The following C15orf61 variants were observed in gnomAD, a reference collection of about 807,000 sequenced individuals.
The protein encoded by C15orf61 is chromosome 15 open reading frame 61, also known as uncharacterized protein C15orf61.
In C15orf61, 12 loss-of-function variants were observed where a neutral mutation model predicts 13.7. The observed-to-expected ratio is 0.88, with a 90% CI of 0.56 to 1.42. The LOEUF (loss-of-function observed/expected upper bound fraction) is 1.42, where lower values mean the gene tolerates loss of function less well. Ranked by LOEUF, C15orf61 falls within the 40% of genes most tolerant of loss-of-function variation. C15orf61 has a pLI of 0.00. For missense variants in C15orf61, 248 were observed against 213.2 expected (o/e 1.16, Z -1.02); for synonymous variants, 92 against 94.1 (o/e 0.98, Z 0.13).
rs2440797 is a variant in C15orf61, at chr15:67,525,079, G to A, written c.347-1339G>A. Among the ~76,000 whole-genome samples the A allele has an allele frequency of 7.5e-3, 1,143 of 152,202 alleles. 12 individuals carry two copies. Among genetic ancestry groups the A allele is most frequent in the African/African-American group, 0.024 (1,008 of 41,546 alleles). ...TCGAACTCCCAACCTCAGGTGATCC[G>A]CCTGCTTCGGCCTCCCAAAGTGCTG... On this transcript the variant is annotated intron_variant, in intron 1 of 1. Transcript: ENST00000342683. The surrounding 1 kb of genome is among the most constrained non-coding windows in gnomAD (Gnocchi z 4.9).
rs916902919 is a variant in C15orf61, at chr15:67,525,682, A to C, written c.347-736A>C. 6.6e-6 allele frequency among the ~76,000 whole-genome samples: 1 copy of C among 152,212 alleles called. No individual in the cohort carries two copies. Among genetic ancestry groups the C allele is most frequent in the African/African-American group, 2.4e-5 (1 of 41,456 alleles). On this transcript the variant is annotated intron_variant, in intron 1 of 1. Coordinates refer to ENST00000342683, the MANE Select transcript of C15orf61 (RefSeq NM_001143936.2). The surrounding 1 kb of genome is among the most constrained non-coding windows in gnomAD (Gnocchi z 4.9). ...GACCGAGCTTCTTTTAAGTTGTACA[A>C]AAATTACTTCAACCATTAGTGTTAC...
Position 67,527,204 on chromosome 15 carries a change from TATTAAA to T in C15orf61, c.*661_*666del, listed in dbSNP as rs1262545935. 6.6e-6 allele frequency: 1 copy of T among 152,180 alleles called. No homozygotes were observed. Among genetic ancestry groups the T allele is most frequent in the African/African-American group, 2.4e-5 (1 of 41,460 alleles). The allele number at this position is 152,180 out of a possible 1,614,324, so 9.4% of individuals were successfully genotyped here. A position where few individuals can be genotyped will look rare whatever the true frequency, so the allele number is the denominator to read the frequency against. On this transcript the variant is annotated 3_prime_UTR_variant, in exon 2 of 2. Transcript: ENST00000342683. ...TAGCAAGGTGAATGAAACTCAGACT[TATTAAA>T]AGTTAAAACAGCTTTCCTATAAAGC... is the stretch of plus-strand genomic sequence containing the variant.
chr15:67,526,560 G>T lies in C15orf61; in HGVS notation c.*15G>T. ...CCATGTATTGAAAGTGTGCGTCAAAGAACATAAATATCAGTGGATTTTCTC... is the reference window on the plus strand; with the variant it reads ...CCATGTATTGAAAGTGTGCGTCAAATAACATAAATATCAGTGGATTTTCTC... On this transcript the variant is annotated 3_prime_UTR_variant, in exon 2 of 2. Transcript: ENST00000342683. The T allele has an allele frequency of 6.7e-7, 1 of 1,498,704 alleles. No individual in the cohort carries two copies. 92.8% of individuals were successfully genotyped at this position (1,498,704 alleles called of 1,614,324 possible). A position where few individuals can be genotyped will look rare whatever the true frequency, so the allele number is the denominator to read the frequency against.
chr15:67,527,265 A>G lies in C15orf61; in HGVS notation c.*720A>G, dbSNP rs2084204004. ...AGAACAATTAAGATCTTCTAGAAAG[A>G]TGCAGAAAAATAAATTTGGTAACTG... is the stretch of plus-strand genomic sequence containing the variant. On this transcript the variant is annotated 3_prime_UTR_variant, in exon 2 of 2. Transcript: ENST00000342683. The G allele has an allele frequency of 6.6e-6, 1 of 152,226 alleles. No homozygotes were observed. The highest frequency in any genetic ancestry group is 1.5e-5 in the Non-Finnish European group (1 of 68,012). 9.4% of individuals were successfully genotyped at this position (152,226 alleles called of 1,614,324 possible). A position where few individuals can be genotyped will look rare whatever the true frequency, so the allele number is the denominator to read the frequency against.
chr15:67,523,752 T>C (rs1248116282), intron 1 of C15orf61, among the ~76,000 whole-genome samples: 6 of 152,226 alleles, frequency 3.9e-5, no homozygotes, highest in Non-Finnish European at 7.4e-5. Context: ...TAGAATCTTA[T>C]AGACTTCAAA....
intron 1 of C15orf61, among the ~76,000 whole-genome samples, chr15:67,524,148 T>C (rs1025804294): frequency 1.3e-5 from 2 of 152,224 alleles, no homozygotes; most frequent in African/African-American, 4.8e-5. Context: ...TAAATTTATA[T>C]ACTTAGCCTT....
intron 1 of C15orf61, 37 bp downstream of exon 1, chr15:67,521,631 G>T (rs1161878441): frequency 6.9e-7 from 1 of 1,445,124 alleles, no homozygotes; most frequent in Non-Finnish European, 9.3e-7. Context: ...GGTGAAGCCC[G>T]CCCGGCCGGG....
chr15:67,526,349 GT>G (rs2084198561), intron 1 of C15orf61, 68 bp from the exon 2 acceptor site: 1 of 988,198 alleles, frequency 1.0e-6, no homozygotes, highest in Middle Eastern at 2.2e-4. Context: ...GCTGAAGAGT[GT>G]TATACGTGAT....
In C15orf61 at chr15:67,529,613, G is replaced by A. The variant is rs2084217570; in HGVS notation, c.*3068G>A. On this transcript the variant is annotated 3_prime_UTR_variant, in exon 2 of 2. Coordinates refer to ENST00000342683, the MANE Select transcript of C15orf61 (RefSeq NM_001143936.2). The surrounding 1 kb of genome is among the most constrained non-coding windows in gnomAD (Gnocchi z 4.4). Reference sequence around the variant, plus strand: ...TAATTTTGTATTTTCTGTACAGACGGTTTCACCATGTTGGTCAGGCTGGTC... The same window carrying A: ...TAATTTTGTATTTTCTGTACAGACGATTTCACCATGTTGGTCAGGCTGGTC... 1 of 152,188 alleles carries A rather than the reference G, an allele frequency of 6.6e-6. No individual in the cohort carries two copies. Among genetic ancestry groups the A allele is most frequent in the Non-Finnish European group, 1.5e-5 (1 of 68,094 alleles). 9.4% of individuals were successfully genotyped at this position (152,188 alleles called of 1,614,324 possible). A position where few individuals can be genotyped will look rare whatever the true frequency, so the allele number is the denominator to read the frequency against.
intron 1 of C15orf61, chr15:67,521,908 C>T (rs2084167807): frequency 1.5e-6 from 1 of 666,970 alleles, no homozygotes; most frequent in African/African-American, 1.8e-5. Flanking sequence ...CAGGGGGCGT[C>T]AGGAAACGCC....
In C15orf61 at chr15:67,529,606, A is replaced by G. The variant is rs2084217502; in HGVS notation, c.*3061A>G. On this transcript the variant is annotated 3_prime_UTR_variant, in exon 2 of 2. Transcript: ENST00000342683. The surrounding 1 kb of genome is among the most constrained non-coding windows in gnomAD (Gnocchi z 4.4). ...CGCCGGCTAATTTTGTATTTTCTGT[A>G]CAGACGGTTTCACCATGTTGGTCAG... is the stretch of plus-strand genomic sequence containing the variant. The G allele has an allele frequency of 6.6e-6, 1 of 152,256 alleles. No individual in the cohort carries two copies. The highest frequency in any genetic ancestry group is 1.5e-5 in the Non-Finnish European group (1 of 68,110). 9.4% of individuals were successfully genotyped at this position (152,256 alleles called of 1,614,324 possible).
In C15orf61 at chr15:67,527,332, T is replaced by A. The variant is rs2084204337; in HGVS notation, c.*787T>A. 1 of 152,194 alleles carries A rather than the reference T, an allele frequency of 6.6e-6. No individual in the cohort carries two copies. The highest frequency in any genetic ancestry group is 6.5e-5 in the Admixed American group (1 of 15,278). The allele number at this position is 152,194 out of a possible 1,614,324, so 9.4% of individuals were successfully genotyped here. The stretch of plus-strand genomic sequence containing the variant: ...ACTGAAATGGTACATATCCATAGAC[T>A]TATTGGCAATAAGGAGTGGGCTGAA... On this transcript the variant is annotated 3_prime_UTR_variant, in exon 2 of 2. Transcript: ENST00000342683.
intron 1 of C15orf61, chr15:67,522,238 G>C: frequency 1.4e-6 from 1 of 700,836 alleles, no homozygotes; most frequent in South Asian, 1.5e-5. Flanking sequence ...TGACAGAAGA[G>C]GGAGGTACGA....
rs1403418798 is a variant in C15orf61, at chr15:67,527,830, T to A, written c.*1285T>A. 1.3e-5 allele frequency: 2 copies of A among 152,224 alleles called. No individual in the cohort carries two copies. 9.4% of individuals were successfully genotyped at this position (152,224 alleles called of 1,614,324 possible). On this transcript the variant is annotated 3_prime_UTR_variant, in exon 2 of 2. Transcript: ENST00000342683. ...TTCAAATATATGTGGTGTTCACTTG[T>A]CTAAAAGCAATTCTAAGTAACACTT...
chr15:67,526,356 G>A (rs1008495670), intron 1 of C15orf61, 62 bp from the exon 2 acceptor site: 5 of 1,079,252 alleles, frequency 4.6e-6, no homozygotes, highest in African/African-American at 1.6e-5. Context: ...AGTGTTATAC[G>A]TGATCAGTAA....
chr15:67,526,481 A>C lies in C15orf61; in HGVS notation c.410A>C (p.His137Pro), dbSNP rs770637251. The change falls in exon 2 of 2, where the codon CAT (histidine) becomes CCT (proline). Residue 137 changes from histidine to proline, a missense_variant. Physicochemically the swap from His to Pro is moderately conservative, Grantham distance 77. Coordinates refer to ENST00000342683, the MANE Select transcript of C15orf61 (RefSeq NM_001143936.2). ...WLFARVTETVHTSYGPITVYF... is the reference protein window; with the variant it reads ...WLFARVTETVPTSYGPITVYF... The stretch of plus-strand genomic sequence containing the variant: ...TTTGCCAGAGTCACAGAGACTGTGC[A>C]TACCAGTTATGGACCCATAACAGTT... 6.5e-7 allele frequency: 1 copy of C among 1,541,154 alleles called. No individual in the cohort carries two copies. The highest frequency in any genetic ancestry group is 8.8e-7 in the Non-Finnish European group (1 of 1,137,608).
rs1481451901 is a variant in C15orf61, at chr15:67,521,528, A to G, written c.280A>G (p.Lys94Glu). ...CFPFIKYHCSKAPWQDLARQN... is the reference protein window; with the variant it reads ...CFPFIKYHCSEAPWQDLARQN... ...CCCCTTCATCAAGTACCACTGCTCC[A>G]AGGCTCCCTGGCAGGACCTGGCCCG... Residue 94 changes from lysine to glutamate, a missense_variant, in exon 1 of 2, where the codon AAG becomes GAG. Transcript: ENST00000342683. 6.5e-7 allele frequency: 1 copy of G among 1,547,868 alleles called. No individual in the cohort carries two copies. Among genetic ancestry groups the G allele is most frequent in the East Asian group, 2.4e-5 (1 of 40,882 alleles).
chr15:67,521,786 CA>C, intron 1 of C15orf61, 192 bp downstream of exon 1: 1 of 661,332 alleles, frequency 1.5e-6, no homozygotes, highest in Non-Finnish European at 2.5e-6. Flanking sequence ...GAGCTCCTGG[CA>C]CCCGAAGCCG....
chr15:67,526,581 T>C lies in C15orf61; in HGVS notation c.*36T>C. 2.7e-6 allele frequency: 4 copies of C among 1,481,652 alleles called. No homozygotes were observed. Among genetic ancestry groups the C allele is most frequent in the Non-Finnish European group, 3.6e-6 (4 of 1,107,802 alleles). The allele number at this position is 1,481,652 out of a possible 1,614,324, so 91.8% of individuals were successfully genotyped here. On this transcript the variant is annotated 3_prime_UTR_variant, in exon 2 of 2. Coordinates refer to ENST00000342683, the MANE Select transcript of C15orf61 (RefSeq NM_001143936.2). The stretch of plus-strand genomic sequence containing the variant: ...CAAAGAACATAAATATCAGTGGATT[T>C]TCTCTGTGTATATGTGCAGTATTTA...
Sources: gnomAD v4.1 joint callset for allele counts (sites outside exome capture counted in the v4.1 genomes callset) on GRCh38, gnomAD v4.1.1 for gene constraint, Gnocchi (gnomAD v3.1) non-coding constraint, MANE v1.5 for transcripts, NCBI Gene and HGNC (gene_info 2026-07-23, HGNC 2026-07-21) for gene names.